Variants in ANO3 observed in about 807,000 individuals in gnomAD.
ANO3 encodes the protein anoctamin 3.
In ANO3, 99 loss-of-function variants were observed where a neutral mutation model predicts 144.8. The observed-to-expected ratio is 0.68, with a 90% CI of 0.58 to 0.81. The LOEUF (loss-of-function observed/expected upper bound fraction) is 0.81. Among genes scored for constraint, ANO3 ranks in the 30% least tolerant of loss-of-function variants. The pLI is 0.00. For synonymous variants in ANO3, 414 were observed against 392.6 expected (o/e 1.05, Z -0.64); for missense variants, 905 against 1,202.2 (o/e 0.75, Z 3.66).
chr11:26,326,530 A>T (rs550648734), intron 1 of ANO3, among the ~76,000 whole-genome samples: 2 of 152,296 alleles, frequency 1.3e-5, no homozygotes, highest in South Asian at 4.1e-4. Context: ...ATATTCATGC[A>T]CACTCAACGT....
intron 1 of ANO3, among the ~76,000 whole-genome samples, chr11:26,404,933 A>ATGTGTG (rs56103536): frequency 0.015 from 2,145 of 146,138 alleles, 14 homozygotes; most frequent in African/African-American, 0.018. Context: ...ATTTATATAT[A>ATGTGTG]TGTGTGTGTG....
chr11:26,657,098 C>G (rs1853713223), intron 26 of ANO3, among the ~76,000 whole-genome samples: 1 of 152,088 alleles, frequency 6.6e-6, no homozygotes, highest in African/African-American at 2.4e-5. Context: ...TATTGAGTAT[C>G]TACTCTCTGA....
chr11:26,250,748 T>C (rs1336749793), intron 1 of ANO3, among the ~76,000 whole-genome samples: 2 of 152,172 alleles, frequency 1.3e-5, no homozygotes, highest in African/African-American at 4.8e-5. Flanking sequence ...AGTATATGAG[T>C]CTCTTTCCAA....
At chr11:26,559,669 T>A in intron 13 of ANO3, 50 bp from the exon 14 acceptor site, 1 of 1,347,416 alleles carries the variant, frequency 7.4e-7, no homozygotes, top group East Asian at 2.3e-5. Flanking sequence ...ATTCACTGGC[T>A]TATTATAATC....
intron 1 of ANO3, among the ~76,000 whole-genome samples, chr11:26,334,218 A>C (rs1855135505): frequency 6.6e-6 from 1 of 152,230 alleles, no homozygotes; most frequent in Admixed American, 6.5e-5. Flanking sequence ...ACTTCAGCAA[A>C]AGGATACAAA....
intron 1 of ANO3, among the ~76,000 whole-genome samples, chr11:26,377,729 T>C (rs1361780864): frequency 6.6e-6 from 1 of 152,120 alleles, no homozygotes; most frequent in Non-Finnish European, 1.5e-5. Flanking sequence ...AGACCCATTG[T>C]AGTAAAACTG....
intron 1 of ANO3, among the ~76,000 whole-genome samples, chr11:26,326,332 G>A (rs78914845): frequency 0.038 from 5,765 of 151,952 alleles, 380 homozygotes; most frequent in African/African-American, 0.13. Flanking sequence ...TAAAATTAAG[G>A]TATCAGTAAG....
intron 3 of ANO3, among the ~76,000 whole-genome samples, chr11:26,455,111 A>C (rs1167610416): frequency 6.6e-6 from 1 of 152,106 alleles, no homozygotes; most frequent in East Asian, 1.9e-4. Context: ...ACCCACAGCC[A>C]ATATCATACT....
At chr11:26,202,289 A>C (rs1004979799) in intron 1 of ANO3, among the ~76,000 whole-genome samples, 1 of 144,444 alleles carries the variant, frequency 6.9e-6, no homozygotes, top group Middle Eastern at 3.6e-3. Context: ...TATTATATAT[A>C]ATATAGATAC....
chr11:26,320,890 C>G (rs1320165270), intron 1 of ANO3, among the ~76,000 whole-genome samples: 1 of 152,078 alleles, frequency 6.6e-6, no homozygotes, highest in African/African-American at 2.4e-5. Context: ...ATTTAGCTCT[C>G]TGTATTTTAG....
chr11:26,316,886 C>G (rs962171618), intron 1 of ANO3, among the ~76,000 whole-genome samples: 5 of 152,160 alleles, frequency 3.3e-5, no homozygotes, highest in African/African-American at 1.2e-4. Context: ...GCAGCCCAAC[C>G]TTGCATTGTC....
intron 1 of ANO3, among the ~76,000 whole-genome samples, chr11:26,266,878 G>A (rs539226819): frequency 6.6e-6 from 1 of 151,086 alleles, no homozygotes; most frequent in East Asian, 2.0e-4. Context: ...TCAGGAGATC[G>A]AGACCATCCT....
In ANO3 at chr11:26,234,983, CA is replaced by C. The variant is rs1214262216; in HGVS notation, c.154+45654del. Among the ~76,000 whole-genome samples, 12 of 99,336 alleles carry C rather than the reference CA, an allele frequency of 1.2e-4. No individual in the cohort carries two copies. In the Admixed American group the frequency reaches 1.2e-3, roughly 10 times the overall value. The allele number at this position is 99,336 out of a possible 152,430, so 65.2% of individuals were successfully genotyped here. On this transcript the variant is annotated intron_variant, in intron 1 of 27. Transcript: ENST00000672621. ...TGATGTCTCAGCTCAAGCAGTTAGA[CA>C]GAGAGAGAGAGAAAAGAAAGAGAGA... is the stretch of plus-strand genomic sequence containing the variant.
chr11:26,288,371 G>A (rs1311860620), intron 1 of ANO3, among the ~76,000 whole-genome samples: 2 of 152,182 alleles, frequency 1.3e-5, no homozygotes, highest in Non-Finnish European at 2.9e-5. Flanking sequence ...CATGTCAGCT[G>A]GCAGTAACAG....
chr11:26,601,026 T>C (rs932839410), intron 17 of ANO3, among the ~76,000 whole-genome samples: 2 of 152,152 alleles, frequency 1.3e-5, no homozygotes, highest in African/African-American at 4.8e-5. Flanking sequence ...AAGGCACCTA[T>C]TGGCACATTA....
intron 1 of ANO3, among the ~76,000 whole-genome samples, chr11:26,434,874 G>A (rs1315257083): frequency 2.6e-5 from 4 of 152,178 alleles, no homozygotes; most frequent in Non-Finnish European, 5.9e-5. Context: ...GTGCCATATA[G>A]TGATGAGAAG....
intron 4 of ANO3, among the ~76,000 whole-genome samples, chr11:26,471,101 TAG>T (rs1413114485): frequency 3.0e-4 from 45 of 152,002 alleles, no homozygotes; most frequent in African/African-American, 1.1e-3. Context: ...TGACATTAGG[TAG>T]TAATACTCTC....
At chr11:26,486,429 C>T (rs1860455698) in intron 4 of ANO3, among the ~76,000 whole-genome samples, 1 of 148,852 alleles carries the variant, frequency 6.7e-6, no homozygotes, top group Non-Finnish European at 1.5e-5. Flanking sequence ...TAAAACTATA[C>T]ATTTTTTATA....
chr11:26,310,626 A>C (rs904658971), intron 1 of ANO3, among the ~76,000 whole-genome samples: 1 of 152,194 alleles, frequency 6.6e-6, no homozygotes, highest in Non-Finnish European at 1.5e-5. Context: ...ACTGTTTTCT[A>C]GTCTGCACCC....
Sources: allele counts gnomAD v4.1 joint callset (sites outside exome capture counted in the v4.1 genomes callset), GRCh38; gene constraint gnomAD v4.1.1; transcripts MANE v1.5; gene names NCBI Gene and HGNC (gene_info 2026-07-23, HGNC 2026-07-21).